Variants in PARVB observed in about 807,000 individuals in gnomAD.
PARVB encodes beta-parvin.
A neutral mutation model predicts 47.0 loss-of-function variants in PARVB; 46 were observed. That is an observed-to-expected ratio of 0.98 (90% CI 0.77 to 1.25). The LOEUF (loss-of-function observed/expected upper bound fraction) is 1.25. Among genes scored for constraint, PARVB ranks in the 50% most tolerant of loss-of-function variants. The probability of loss-of-function intolerance (pLI) is 0.00; values close to 1 mark genes in which losing one functional copy is unlikely to be tolerated. For synonymous variants in PARVB, 196 were observed against 196.3 expected, an observed-to-expected ratio of 1.00 and a Z score of 0.01; for missense variants, 473 against 471.6, an observed-to-expected ratio of 1.00 and a Z score of -0.03.
chr22:44,087,986 G>A (rs2052071031), intron 1 of PARVB, among the ~76,000 whole-genome samples: 1 of 151,812 alleles, frequency 6.6e-6, no homozygotes, highest in South Asian at 2.1e-4. Context: ...GCTGGCGACT[G>A]TGCCGAGGGT....
intron 1 of PARVB, among the ~76,000 whole-genome samples, chr22:44,088,894 T>C (rs770309349): frequency 3.3e-5 from 5 of 152,178 alleles, no homozygotes; most frequent in Non-Finnish European, 7.3e-5. Flanking sequence ...GCAATATGGG[T>C]TGGACAAGTA....
chr22:44,041,770 C>T (rs1287318442), intron 1 of PARVB, among the ~76,000 whole-genome samples: 4 of 152,104 alleles, frequency 2.6e-5, no homozygotes, highest in Non-Finnish European at 5.9e-5. Context: ...CCTGTGGTCC[C>T]AGCTACCCCG....
At chr22:44,140,329 C>T in intron 8 of PARVB, 186 bp downstream of exon 8, 2 of 726,532 alleles carry the variant, frequency 2.8e-6, no homozygotes, top group East Asian at 2.6e-5. Context: ...GGGCTTGTTT[C>T]TCAGAGCTGA....
In PARVB at chr22:44,039,883, T is replaced by A. The variant is rs575474076; in HGVS notation, c.112+15432T>A. 79 of 455,492 alleles carry A rather than the reference T, an allele frequency of 1.7e-4. 1 individual carries two copies. Among genetic ancestry groups the A allele is most frequent in the Admixed American group, 1.1e-3 (47 of 42,410 alleles). The allele number at this position is 455,492 out of a possible 1,614,324, so 28.2% of individuals were successfully genotyped here. On this transcript the variant is annotated intron_variant, in intron 1 of 12. Coordinates refer to ENST00000338758, the MANE Select transcript of PARVB (RefSeq NM_013327.5). ...AGGCTGAAGTGCAGTGGTGCAGTCA[T>A]AGCTCACTGCAGCCTCGAACTCCTG...
At chr22:44,024,613 C>T (rs1265167193) in intron 1 of PARVB, among the ~76,000 whole-genome samples, 162 bp downstream of exon 1, 1 of 151,882 alleles carries the variant, frequency 6.6e-6, no homozygotes, top group Non-Finnish European at 1.5e-5. Context: ...GACCCAGGAC[C>T]CGTAAACAAC....
chr22:44,045,660 C>G (rs573041544), intron 1 of PARVB, among the ~76,000 whole-genome samples: 2 of 152,204 alleles, frequency 1.3e-5, no homozygotes, highest in Non-Finnish European at 2.9e-5. Context: ...TCACTCTTGT[C>G]TCCATCTTGT....
intron 1 of PARVB, chr22:44,039,727 C>A: frequency 5.2e-6 from 2 of 386,394 alleles, no homozygotes; most frequent in South Asian, 3.7e-5. Flanking sequence ...GAACAAGGTG[C>A]CGGTACAGGA....
Position 44,016,387 on chromosome 22 carries a change from T to C in PARVB, c.211+16714T>C, listed in dbSNP as rs534431702. 3.6e-4 allele frequency among the ~76,000 whole-genome samples: 55 copies of C among 152,314 alleles called. 2 individuals carry two copies. The South Asian group carries it at 7.5e-3, about 21-fold the overall frequency. ...CTGGGATTACAGGCATGAGCCACTG[T>C]GCCTGGCCTAGCTCTTCTCTTTCAC... On this transcript the variant is annotated intron_variant, in intron 2 of 13. Coordinates refer to the PARVB transcript ENST00000406477.
At chr22:44,023,340 A>G (rs1281367451), upstream of PARVB, among the ~76,000 whole-genome samples, 1 of 151,608 alleles carries the variant, frequency 6.6e-6, no homozygotes, top group Non-Finnish European at 1.5e-5. Context: ...GCAAAACCGC[A>G]TCTCTACTAA....
At chr22:44,164,510 C>A (rs1441747278) in intron 12 of PARVB, among the ~76,000 whole-genome samples, 2 of 152,028 alleles carry the variant, frequency 1.3e-5, no homozygotes, top group African/African-American at 4.8e-5. Context: ...TTGGGGACAG[C>A]CAGGCTCAGC....
upstream of PARVB, among the ~76,000 whole-genome samples, chr22:44,023,696 C>A (rs998403504): frequency 3.3e-5 from 5 of 152,164 alleles, no homozygotes; most frequent in Non-Finnish European, 5.9e-5. Flanking sequence ...CCCTCCCTGG[C>A]ACCCCACACT....
chr22:44,090,225 T>G (rs1243650212), intron 1 of PARVB, among the ~76,000 whole-genome samples: 1 of 152,196 alleles, frequency 6.6e-6, no homozygotes. Flanking sequence ...CAAGTGGCAA[T>G]GCGAGATTTG....
In PARVB at chr22:44,039,160, C is replaced by G. The variant is rs2050973573; in HGVS notation, c.112+14709C>G. 2.0e-5 allele frequency among the ~76,000 whole-genome samples: 3 copies of G among 152,184 alleles called. No homozygotes were observed. In the South Asian group the frequency reaches 6.2e-4, roughly 31 times the overall value. ...AGGGATGTGCAGTGGTGTGGCCCCT[C>G]AGGAAATCAGCTTGGTAGTTTCTTT... On this transcript the variant is annotated intron_variant, in intron 1 of 12. Coordinates refer to ENST00000338758, the MANE Select transcript of PARVB (RefSeq NM_013327.5).
At chr22:44,139,122 T>C (rs2053499247) in intron 7 of PARVB, 1 of 152,232 alleles carries the variant, frequency 6.6e-6, no homozygotes, top group Non-Finnish European at 1.5e-5. Flanking sequence ...TTCTCCAGGA[T>C]CCTTTAGTTC....
In PARVB at chr22:44,133,016, A is replaced by G. The variant is rs766766244; in HGVS notation, c.633+7A>G. ...GCAGGTGGTGGTCGTGCGGGTGAGTATAACCGAGTGGTCGGCCTGCCTGTA... is the reference window on the plus strand; with the variant it reads ...GCAGGTGGTGGTCGTGCGGGTGAGTGTAACCGAGTGGTCGGCCTGCCTGTA... On this transcript the variant is annotated splice_region_variant and intron_variant, in intron 6 of 12. Transcript: ENST00000338758. The G allele has an allele frequency of 1.2e-6, 2 of 1,601,102 alleles. No homozygotes were observed. Among genetic ancestry groups the G allele is most frequent in the South Asian group, 2.2e-5 (2 of 90,028 alleles).
chr22:44,150,167 G>GAAACAAAACAAAACAAAACA (rs60712968), intron 9 of PARVB: 1 of 150,076 alleles, frequency 6.7e-6, no homozygotes, highest in African/African-American at 2.5e-5. Context: ...AAAACAAAAC[G>GAAACAAAACAAAACAAAACA]AAACAAAACA....
rs1358215545 is a variant in PARVB at position 44,068,055 on chromosome 22, G to A, written c.113-25873G>A. ...CCCCAGAGCCCCGCCTGGAGCACCTGCTGGGTCGGGACATGGGCCTCCCGT... is the reference window on the plus strand; with the variant it reads ...CCCCAGAGCCCCGCCTGGAGCACCTACTGGGTCGGGACATGGGCCTCCCGT... On this transcript the variant is annotated intron_variant, in intron 1 of 12. Coordinates refer to ENST00000338758, the MANE Select transcript of PARVB (RefSeq NM_013327.5). This position sits in a 1 kb window ranked among gnomAD's most constrained non-coding sequence, Gnocchi z 4.1. Among the ~76,000 whole-genome samples, 3 of 152,162 alleles carry A rather than the reference G, an allele frequency of 2.0e-5. No homozygotes were observed. The East Asian group carries it at 5.8e-4, about 29-fold the overall frequency.
chr22:44,111,091 C>T (rs1220677686), intron 3 of PARVB: 2 of 150,584 alleles, frequency 1.3e-5, no homozygotes, highest in Non-Finnish European at 2.9e-5. Context: ...TCCCTTCAGG[C>T]TTCTCTGTGT....
intron 2 of PARVB, chr22:44,009,601 TATATA>T (rs2050501117): frequency 6.6e-6 from 1 of 150,958 alleles, no homozygotes; most frequent in African/African-American, 2.4e-5. Context: ...ATGTATGTAA[TATATA>T]ATATATGTGA....
Sources: gnomAD v4.1 joint callset for allele counts (sites outside exome capture counted in the v4.1 genomes callset) on GRCh38, gnomAD v4.1.1 for gene constraint, Gnocchi (gnomAD v3.1) non-coding constraint, MANE v1.5 for transcripts, NCBI Gene and HGNC (gene_info 2026-07-23, HGNC 2026-07-21) for gene names.